The following COL19A1 variants were observed in gnomAD, a reference collection of about 807,000 sequenced individuals.
COL19A1 encodes the protein collagen alpha-1(XIX) chain.
COL19A1 carries 159 observed loss-of-function variants against 190.2 expected under a neutral mutation model. The ratio of observed to expected loss-of-function variants is 0.84; its 90% CI spans 0.73 to 0.95. The LOEUF is 0.95. Ranked by LOEUF, COL19A1 falls within the 40% of genes least tolerant of loss-of-function variation. COL19A1 has a pLI of 0.00. For missense variants in COL19A1, 1,418 were observed against 1,431.9 expected (o/e 0.99, Z 0.16); for synonymous variants, 509 against 458.9 (o/e 1.11, Z -1.39).
chr6:69,988,894 G>T (rs2150072236), intron 11 of COL19A1, among the ~76,000 whole-genome samples: 1 of 152,200 alleles, frequency 6.6e-6, no homozygotes, highest in South Asian at 2.1e-4. Flanking sequence ...AAACCCTTCT[G>T]CTTTCCTTTC....
chr6:70,086,613 A>G (rs1300033259), intron 15 of COL19A1, among the ~76,000 whole-genome samples: 1 of 152,198 alleles, frequency 6.6e-6, no homozygotes, highest in Non-Finnish European at 1.5e-5. Flanking sequence ...TCAACAAAAT[A>G]ATTTCAAATT....
chr6:70,159,338 G>T (rs527574411), intron 34 of COL19A1, among the ~76,000 whole-genome samples: 6 of 151,834 alleles, frequency 4.0e-5, no homozygotes, highest in Non-Finnish European at 8.8e-5. Context: ...ACAAGTTAAT[G>T]TTAGGGGAAT....
intron 11 of COL19A1, among the ~76,000 whole-genome samples, chr6:69,985,471 A>C (rs994938027): frequency 1.3e-5 from 2 of 152,174 alleles, no homozygotes; most frequent in Non-Finnish European, 2.9e-5. Context: ...AGTCAGGTCT[A>C]TTGAAGAGAT....
intron 9 of COL19A1, among the ~76,000 whole-genome samples, chr6:69,950,858 A>G (rs1241239721): frequency 6.6e-6 from 1 of 151,890 alleles, no homozygotes; most frequent in African/African-American, 2.4e-5. Context: ...TTCAAACAAA[A>G]AAGTGCCTCA....
chr6:69,876,919 T>C (rs1374473464), intron 1 of COL19A1, among the ~76,000 whole-genome samples: 1 of 152,250 alleles, frequency 6.6e-6, no homozygotes, highest in East Asian at 1.9e-4. Context: ...GTTTGATATT[T>C]AGAATGACAC....
chr6:70,111,518 G>A (rs1380132743), intron 16 of COL19A1, among the ~76,000 whole-genome samples: 2 of 152,138 alleles, frequency 1.3e-5, no homozygotes, highest in Admixed American at 6.6e-5. Flanking sequence ...ATTATTTTCT[G>A]TACTTTTCAG....
intron 11 of COL19A1, among the ~76,000 whole-genome samples, chr6:69,985,175 T>C (rs1015045442): frequency 6.6e-6 from 1 of 152,202 alleles, no homozygotes; most frequent in Non-Finnish European, 1.5e-5. Context: ...AGTACAAGGT[T>C]AAAAATGGCA....
intron 11 of COL19A1, among the ~76,000 whole-genome samples, chr6:69,982,101 C>A (rs994450388): frequency 6.6e-6 from 1 of 151,820 alleles, no homozygotes; most frequent in African/African-American, 2.4e-5. Context: ...AATTTAAGAA[C>A]AAAAATGAAG....
chr6:70,177,676 T>C (rs1482833228), intron 42 of COL19A1, among the ~76,000 whole-genome samples: 1 of 152,214 alleles, frequency 6.6e-6, no homozygotes, highest in Non-Finnish European at 1.5e-5. Context: ...TTCTATTCCC[T>C]CACTACTGCC....
intron 16 of COL19A1, among the ~76,000 whole-genome samples, chr6:70,113,913 T>A (rs1317671044): frequency 6.9e-6 from 1 of 144,132 alleles, no homozygotes; most frequent in Non-Finnish European, 1.5e-5. Context: ...TGTAGTGGCG[T>A]GATCTCAGCT....
chr6:70,019,019 CA>C (rs1778272245), intron 11 of COL19A1, among the ~76,000 whole-genome samples: 1 of 152,198 alleles, frequency 6.6e-6, no homozygotes, highest in Non-Finnish European at 1.5e-5. Flanking sequence ...GAAATATTGA[CA>C]GCATCCAAAA....
intron 4 of COL19A1, among the ~76,000 whole-genome samples, chr6:69,910,655 T>G (rs1442689067): frequency 1.3e-5 from 2 of 152,202 alleles, no homozygotes; most frequent in Non-Finnish European, 2.9e-5. Context: ...CATTGATTAA[T>G]CTACCTCTAT....
At chr6:69,873,452 A>C (rs1337163158) in intron 1 of COL19A1, among the ~76,000 whole-genome samples, 1 of 152,214 alleles carries the variant, frequency 6.6e-6, no homozygotes, top group Non-Finnish European at 1.5e-5. Flanking sequence ...TTCAAGCTGC[A>C]GATGGACCCA....
chr6:70,195,136 G>GATAGATATATATAT (rs373840241), intron 48 of COL19A1, among the ~76,000 whole-genome samples: 4 of 136,030 alleles, frequency 2.9e-5, no homozygotes, highest in African/African-American at 1.1e-4. Context: ...CATCATTGAT[G>GATAGATATATATAT]ATATATATAT....
chr6:70,108,523 C>T (rs1436815488), intron 16 of COL19A1, among the ~76,000 whole-genome samples: 4 of 151,984 alleles, frequency 2.6e-5, no homozygotes, highest in Admixed American at 6.6e-5. Flanking sequence ...GGAAATTTTT[C>T]GATGTTTGAA....
chr6:69,896,703 T>G (rs1297178827), intron 2 of COL19A1, among the ~76,000 whole-genome samples: 1 of 152,220 alleles, frequency 6.6e-6, no homozygotes, highest in Non-Finnish European at 1.5e-5. Context: ...TAGTGATATC[T>G]CACTGTGGTT....
intron 7 of COL19A1, among the ~76,000 whole-genome samples, chr6:69,934,296 A>G (rs1772964445): frequency 6.6e-6 from 1 of 151,974 alleles, no homozygotes; most frequent in Non-Finnish European, 1.5e-5. Context: ...ATGCCAATCT[A>G]CAGACTTGAA....
At chr6:69,966,696 C>T (rs1196838796) in intron 11 of COL19A1, among the ~76,000 whole-genome samples, 1 of 151,756 alleles carries the variant, frequency 6.6e-6, no homozygotes, top group African/African-American at 2.4e-5. Flanking sequence ...TATCTGCTGA[C>T]CTTCCCTCCA....
At chr6:70,184,553 T>G in intron 44 of COL19A1, 150 bp from the exon 45 acceptor site, 1 of 647,092 alleles carries the variant, frequency 1.5e-6, no homozygotes, top group Non-Finnish European at 2.6e-6. Context: ...ACTGTCAGAT[T>G]CTATTTATTT....
Sources: allele counts gnomAD v4.1 joint callset (sites outside exome capture counted in the v4.1 genomes callset), GRCh38; gene constraint gnomAD v4.1.1; transcripts MANE v1.5; gene names NCBI Gene and HGNC (gene_info 2026-07-23, HGNC 2026-07-21).